Variants in TGFB2 observed in about 807,000 individuals in gnomAD.
The protein encoded by TGFB2 is transforming growth factor beta-2 proprotein.
In TGFB2, 13 loss-of-function variants were observed where a neutral mutation model predicts 42.7. The ratio of observed to expected loss-of-function variants is 0.30; its 90% CI spans 0.20 to 0.48. The LOEUF is 0.48. Among genes scored for constraint, TGFB2 ranks in the 20% least tolerant of loss-of-function variants. The pLI, the probability that TGFB2 is intolerant of heterozygous loss-of-function variation, is 0.99. For synonymous variants in TGFB2, 193 were observed against 193.6 expected, an observed-to-expected ratio of 1.00 and a Z score of 0.03; for missense variants, 390 against 517.5, an observed-to-expected ratio of 0.75 and a Z score of 2.39.
intron 6 of TGFB2, 97 bp downstream of exon 6, chr1:218,437,593 T>A: frequency 7.6e-7 from 1 of 1,319,274 alleles, no homozygotes; most frequent in Non-Finnish European, 1.0e-6. Context: ...TCGTGCTGTC[T>A]TACCATCACA....
chr1:218,420,004 C>T (rs1431674647), intron 2 of TGFB2, among the ~76,000 whole-genome samples: 2 of 152,122 alleles, frequency 1.3e-5, no homozygotes, highest in Admixed American at 6.5e-5. Context: ...AATTATAGTA[C>T]AGGCCACATA....
intron 1 of TGFB2, among the ~76,000 whole-genome samples, chr1:218,394,055 C>T (rs937116333): frequency 6.6e-6 from 1 of 152,062 alleles, no homozygotes; most frequent in African/African-American, 2.4e-5. Context: ...TACAGGTGCC[C>T]ACCACCATGC....
chr1:218,409,432 G>A (rs1056508142), intron 2 of TGFB2, among the ~76,000 whole-genome samples: 1 of 151,994 alleles, frequency 6.6e-6, no homozygotes, highest in African/African-American at 2.4e-5. Flanking sequence ...CTCTTTATTT[G>A]GAGTCCTATT....
intron 1 of TGFB2, among the ~76,000 whole-genome samples, chr1:218,360,327 T>C (rs547770417): frequency 6.6e-6 from 1 of 152,254 alleles, no homozygotes; most frequent in South Asian, 2.1e-4. Context: ...GTTAATTAAC[T>C]TCCTAGTCAT....
chr1:218,347,613 C>A (rs1378601863), intron 1 of TGFB2, among the ~76,000 whole-genome samples: 2 of 152,054 alleles, frequency 1.3e-5, no homozygotes, highest in African/African-American at 4.8e-5. Context: ...GTTTGGAGAC[C>A]CCTCGAGAAA....
chr1:218,407,276 G>C (rs561703319), intron 2 of TGFB2, among the ~76,000 whole-genome samples: 3 of 152,002 alleles, frequency 2.0e-5, no homozygotes. Context: ...ATGAGTTCTC[G>C]CTTTGTTGCC....
chr1:218,408,511 A>T (rs552005893), intron 2 of TGFB2, among the ~76,000 whole-genome samples: 4 of 152,328 alleles, frequency 2.6e-5, no homozygotes, highest in African/African-American at 9.6e-5. Context: ...AGAAAAATAT[A>T]AAATAATAGC....
intron 2 of TGFB2, among the ~76,000 whole-genome samples, chr1:218,432,701 G>A (rs1048238313): frequency 1.3e-5 from 2 of 152,276 alleles, no homozygotes; most frequent in Admixed American, 1.3e-4. Context: ...GAGTGCTATG[G>A]TTTGAAACGA....
intron 4 of TGFB2, 53 bp downstream of exon 4, chr1:218,434,501 ATC>A: frequency 8.9e-7 from 1 of 1,123,766 alleles, no homozygotes; most frequent in Non-Finnish European, 1.3e-6. Flanking sequence ...TATATTGATA[ATC>A]TCATGGGGGA....
chr1:218,371,155 C>T (rs1447974020), intron 1 of TGFB2, among the ~76,000 whole-genome samples: 10 of 151,984 alleles, frequency 6.6e-5, no homozygotes, highest in African/African-American at 1.2e-4. Flanking sequence ...AAAAAATAGC[C>T]GGGCCTAATG....
At position 218,402,327 on chromosome 1, in the gene TGFB2, G is replaced by A. The variant is rs139482710; in HGVS notation, c.347-2842G>A. ...GCTTATAAGAGCCAGAGGGGAGGAG[G>A]GCTGTTTGCCAATGTATAGGAAGCC... On this transcript the variant is annotated intron_variant, in intron 1 of 6. Coordinates refer to ENST00000366930, the MANE Select transcript of TGFB2 (RefSeq NM_003238.6). Among the ~76,000 whole-genome samples, 15 of 152,254 alleles carry A rather than the reference G, an allele frequency of 9.9e-5. No individual in the cohort carries two copies. The East Asian group carries it at 2.9e-3, about 29-fold the overall frequency.
At chr1:218,355,417 C>T (rs1379083056) in intron 1 of TGFB2, among the ~76,000 whole-genome samples, 4 of 152,094 alleles carry the variant, frequency 2.6e-5, no homozygotes, top group Non-Finnish European at 5.9e-5. Context: ...GAAATGGAAG[C>T]GGTAACATCA....
chr1:218,372,096 ATT>A (rs1657593132), intron 1 of TGFB2, among the ~76,000 whole-genome samples: 4 of 151,916 alleles, frequency 2.6e-5, no homozygotes, highest in Non-Finnish European at 5.9e-5. Context: ...TCCACAGCCT[ATT>A]CTTAGTAGCA....
chr1:218,413,241 C>T (rs1659158761), intron 2 of TGFB2, among the ~76,000 whole-genome samples: 1 of 152,140 alleles, frequency 6.6e-6, no homozygotes, highest in African/African-American at 2.4e-5. Flanking sequence ...GGCGCGGTGG[C>T]ACATGCCTGT....
intron 2 of TGFB2, among the ~76,000 whole-genome samples, chr1:218,433,606 G>A (rs10482807): frequency 0.026 from 3,982 of 152,278 alleles, 56 homozygotes; most frequent in Non-Finnish European, 0.04. Context: ...GGTTAGGACC[G>A]TTCTTTCTTT....
At chr1:218,370,610 A>T (rs1422006270) in intron 1 of TGFB2, among the ~76,000 whole-genome samples, 1 of 152,222 alleles carries the variant, frequency 6.6e-6, no homozygotes, top group African/African-American at 2.4e-5. Context: ...TTATAAGCTC[A>T]GGGTCACTGT....
At chr1:218,363,446 G>T (rs755408070) in intron 1 of TGFB2, 2 of 1,587,662 alleles carry the variant, frequency 1.3e-6, no homozygotes, top group Admixed American at 3.3e-5. Context: ...TTTATTCCTC[G>T]TTTGACATAG....
At chr1:218,373,473 A>G (rs1351531741) in intron 1 of TGFB2, among the ~76,000 whole-genome samples, 2 of 151,794 alleles carry the variant, frequency 1.3e-5, no homozygotes, top group East Asian at 1.9e-4. Flanking sequence ...TAGTTATAAT[A>G]TGATTATATT....
chr1:218,406,647 GGCCTTGAGACGTATCTATTAAA>G (rs1658921342), intron 2 of TGFB2, among the ~76,000 whole-genome samples: 1 of 152,128 alleles, frequency 6.6e-6, no homozygotes, highest in South Asian at 2.1e-4. Flanking sequence ...ATTTTGATGA[GGCCTTGAGACGTATCTATTAAA>G]ACCTGATGGG....
Sources: gnomAD v4.1 joint callset for allele counts (sites outside exome capture counted in the v4.1 genomes callset) on GRCh38, gnomAD v4.1.1 for gene constraint, MANE v1.5 for transcripts, NCBI Gene and HGNC (gene_info 2026-07-23, HGNC 2026-07-21) for gene names.